The following MC1R variants were observed in gnomAD, a reference collection of about 807,000 sequenced individuals.
MC1R encodes melanocyte-stimulating hormone receptor.
For synonymous variants in MC1R, 263 were observed against 203.8 expected (o/e 1.29, Z -2.47); for missense variants, 542 against 430.0 (o/e 1.26, Z -2.30).
rs1805005 is a variant in MC1R, at chr16:89,919,436, G to T, written c.178G>T (p.Val60Leu). The T allele has an allele frequency of 0.11, 171,627 of 1,613,224 alleles. 11,236 individuals are homozygous for T. Among genetic ancestry groups the T allele is most frequent in the Non-Finnish European group, 0.12 (144,277 of 1,179,870 alleles). Reference sequence around the variant, plus strand: ...GAGCTTGGTGGAGAACGCGCTGGTGGTGGCCACCATCGCCAAGAACCGGAA... The same window carrying T: ...GAGCTTGGTGGAGAACGCGCTGGTGTTGGCCACCATCGCCAAGAACCGGAA... ...LVSLVENALV[V>L]ATIAKNRNLH... The change falls in exon 1 of 1, where the codon GTG becomes TTG. Residue 60 changes from valine (V) to leucine (L), a missense_variant. Coordinates refer to ENST00000555147, the MANE Select transcript of MC1R (RefSeq NM_002386.4).
rs1168155352 is a variant in MC1R, at chr16:89,920,719, G to C, written c.*507G>C. On this transcript the variant is annotated 3_prime_UTR_variant, in exon 1 of 1. Coordinates refer to ENST00000555147, the MANE Select transcript of MC1R (RefSeq NM_002386.4). ...AGAAAGCTTCATCCACAGCCTTGCA[G>C]CGGCTCCTGCAAAAGGAGGTGAAAT... 1 of 716,620 alleles carries C rather than the reference G, an allele frequency of 1.4e-6. No individual in the cohort carries two copies. Among genetic ancestry groups the C allele is most frequent in the Non-Finnish European group, 2.6e-6 (1 of 384,788 alleles). The allele number at this position is 716,620 out of a possible 1,614,324, so 44.4% of individuals were successfully genotyped here.
chr16:89,919,235 C>T lies in MC1R; in HGVS notation c.-24C>T, dbSNP rs190819948. On this transcript the variant is annotated 5_prime_UTR_variant, in exon 1 of 1. Transcript: ENST00000555147. ...GGGGACCTGGAGGCCTCCAACGACT[C>T]CTTCCTGCTTCCTGGACAGGACTAT... is the stretch of plus-strand genomic sequence containing the variant. 88 of 1,492,078 alleles carry T rather than the reference C, an allele frequency of 5.9e-5. No homozygotes were observed. In the African/African-American group the frequency reaches 7.6e-4, roughly 13 times the overall value. The allele number at this position is 1,492,078 out of a possible 1,614,324, so 92.4% of individuals were successfully genotyped here. A position where few individuals can be genotyped will look rare whatever the true frequency, so the allele number is the denominator to read the frequency against.
rs1286859854 is a variant in MC1R, at chr16:89,919,087, C to G, written c.-172C>G. 2 of 598,392 alleles carry G rather than the reference C, an allele frequency of 3.3e-6. No homozygotes were observed. The highest frequency in any genetic ancestry group is 5.9e-6 in the Non-Finnish European group (2 of 337,732). 37.1% of individuals were successfully genotyped at this position (598,392 alleles called of 1,614,324 possible). ...GCCATGCCTGGGCTGACCTGTCCAG[C>G]CAGGGAGAGGGTGTGAGGGCAGATC... On this transcript the variant is annotated 5_prime_UTR_variant, in exon 1 of 1. Transcript: ENST00000555147.
rs201171524 is a variant in MC1R, at chr16:89,920,090, A to G, written c.832A>G (p.Lys278Glu). ...GCACCCCACGTGCGGCTGCATCTTC[A>G]AGAACTTCAACCTCTTTCTCGCCCT... ...PEHPTCGCIF[K>E]NFNLFLALII... The change falls in exon 1 of 1, where the codon AAG becomes GAG. Residue 278 changes from lysine to glutamate, a missense_variant. By Grantham distance (56) the Lys-to-Glu change is moderately conservative. Coordinates refer to ENST00000555147, the MANE Select transcript of MC1R (RefSeq NM_002386.4). 490 of 1,613,762 alleles carry G rather than the reference A, an allele frequency of 3.0e-4. 1 individual carries two copies. Among genetic ancestry groups the G allele is most frequent in the Middle Eastern group, 2.3e-3 (14 of 6,084 alleles).
In MC1R at chr16:89,920,238, G is replaced by A; in HGVS notation, c.*26G>A. On this transcript the variant is annotated 3_prime_UTR_variant, in exon 1 of 1. Coordinates refer to ENST00000555147, the MANE Select transcript of MC1R (RefSeq NM_002386.4). ...GCGCGGTGCACGCGGCTTTAAGTGTGCTGGGCAGAGGGAGGTGGTGATATT... is the reference window on the plus strand; with the variant it reads ...GCGCGGTGCACGCGGCTTTAAGTGTACTGGGCAGAGGGAGGTGGTGATATT... The A allele has an allele frequency of 1.3e-6, 2 of 1,577,286 alleles. No homozygotes were observed. Among genetic ancestry groups the A allele is most frequent in the African/African-American group, 2.7e-5 (2 of 74,036 alleles).
Position 89,919,287 on chromosome 16 carries a change from T to C in MC1R, c.29T>C (p.Leu10Pro). 6.3e-7 allele frequency: 1 copy of C among 1,599,620 alleles called. No homozygotes were observed. The highest frequency in any genetic ancestry group is 8.5e-7 in the Non-Finnish European group (1 of 1,173,214). The change falls in exon 1 of 1, where the codon CTT becomes CCT. Residue 10 changes from leucine to proline, a missense_variant. Physicochemically the swap from Leu to Pro is moderately conservative, Grantham distance 98. Transcript: ENST00000555147. The part of the protein sequence containing the change: MAVQGSQRR[L>P]LGSLNSTPTA... ...GCTGTGCAGGGATCCCAGAGAAGAC[T>C]TCTGGGCTCCCTCAACTCCACCCCC...
chr16:89,920,422 A>G lies in MC1R; in HGVS notation c.*210A>G, dbSNP rs1164991514. The G allele has an allele frequency of 2.1e-5, 13 of 621,918 alleles. No individual in the cohort carries two copies. In the Admixed American group the frequency reaches 3.5e-4, roughly 17 times the overall value. The allele number at this position is 621,918 out of a possible 1,614,324, so 38.5% of individuals were successfully genotyped here. ...AAAACTCCAGGCAGGACTTCTCACC[A>G]GCAGTCGTGGGGAACGGAGGAGGAC... On this transcript the variant is annotated 3_prime_UTR_variant, in exon 1 of 1. Coordinates refer to ENST00000555147, the MANE Select transcript of MC1R (RefSeq NM_002386.4).
Position 89,919,960 on chromosome 16 carries a change from C to T in MC1R, c.702C>T (p.Gly234=). 1 of 1,612,556 alleles carries T rather than the reference C, an allele frequency of 6.2e-7. No homozygotes were observed. The stretch of plus-strand genomic sequence containing the variant: ...AGAGGCAGCGCCCGGTCCACCAGGG[C>T]TTTGGCCTTAAAGGCGCTGTCACCC... The part of the protein sequence containing the change: ...LHKRQRPVHQ[G]FGLKGAVTLT... Residue 234 remains glycine, a synonymous_variant, in exon 1 of 1, where the codon GGC becomes GGT. Coordinates refer to ENST00000555147, the MANE Select transcript of MC1R (RefSeq NM_002386.4).
Position 89,918,928 on chromosome 16 carries a change from G to C in MC1R, c.-331G>C. On this transcript the variant is annotated 5_prime_UTR_variant, in exon 1 of 1. Coordinates refer to ENST00000555147, the MANE Select transcript of MC1R (RefSeq NM_002386.4). ...AGGAGACAGAGGCCAGGACGGTCCA[G>C]AGGTGTCGAAATGTCCTGGGGACCT... The C allele has an allele frequency of 2.5e-6, 1 of 407,386 alleles. No homozygotes were observed. 25.2% of individuals were successfully genotyped at this position (407,386 alleles called of 1,614,324 possible). A position where few individuals can be genotyped will look rare whatever the true frequency, so the allele number is the denominator to read the frequency against.
chr16:89,920,308 C>G lies in MC1R; in HGVS notation c.*96C>G. On this transcript the variant is annotated 3_prime_UTR_variant, in exon 1 of 1. Transcript: ENST00000555147. ...TGACCCTGGGCAGTTCCTTACCTCC[C>G]TGGTCCCCGTTTGTCAAAGAGGATG... 3.9e-6 allele frequency: 4 copies of G among 1,016,580 alleles called. No homozygotes were observed. The highest frequency in any genetic ancestry group is 5.9e-6 in the Non-Finnish European group (4 of 675,982). 63.0% of individuals were successfully genotyped at this position (1,016,580 alleles called of 1,614,324 possible). A position where few individuals can be genotyped will look rare whatever the true frequency, so the allele number is the denominator to read the frequency against.
In MC1R at chr16:89,919,148, G is replaced by A. The variant is rs979355433; in HGVS notation, c.-111G>A. On this transcript the variant is annotated 5_prime_UTR_variant, in exon 1 of 1. Transcript: ENST00000555147. Reference sequence around the variant, plus strand: ...CAGATGGAAGGAGGCAGGCATGGGGGACACCCAAGGCCCCCTGGCAGCACC... The same window carrying A: ...CAGATGGAAGGAGGCAGGCATGGGGAACACCCAAGGCCCCCTGGCAGCACC... 6.5e-5 allele frequency: 48 copies of A among 738,586 alleles called. No homozygotes were observed. The highest frequency in any genetic ancestry group is 7.4e-4 in the Middle Eastern group (2 of 2,698). 45.8% of individuals were successfully genotyped at this position (738,586 alleles called of 1,614,324 possible).
chr16:89,920,841 C>A lies in MC1R; in HGVS notation c.*629C>A, dbSNP rs543797088. 1 of 602,552 alleles carries A rather than the reference C, an allele frequency of 1.7e-6. No homozygotes were observed. Among genetic ancestry groups the A allele is most frequent in the African/African-American group, 1.9e-5 (1 of 53,370 alleles). The allele number at this position is 602,552 out of a possible 1,614,324, so 37.3% of individuals were successfully genotyped here. A position where few individuals can be genotyped will look rare whatever the true frequency, so the allele number is the denominator to read the frequency against. ...CCGGTTCTAAGGCTCAGACTGGGCA[C>A]TGGGGCCTCAGCCTGCTTTCCTGCA... On this transcript the variant is annotated 3_prime_UTR_variant, in exon 1 of 1. Coordinates refer to ENST00000555147, the MANE Select transcript of MC1R (RefSeq NM_002386.4).
chr16:89,919,569 G>C lies in MC1R; in HGVS notation c.311G>C (p.Gly104Ala), dbSNP rs1210572877. 2 of 1,611,602 alleles carry C rather than the reference G, an allele frequency of 1.2e-6. No individual in the cohort carries two copies. Among genetic ancestry groups the C allele is most frequent in the Middle Eastern group, 1.6e-4 (1 of 6,062 alleles). Residue 104 changes from glycine (G) to alanine (A), a missense_variant, in exon 1 of 1, where the codon GGT (glycine) becomes GCT (alanine). Gly to Ala is a moderately conservative substitution (Grantham distance 60). Transcript: ENST00000555147. The stretch of plus-strand genomic sequence containing the variant: ...GCCGTCATCCTCCTGCTGGAGGCCG[G>C]TGCACTGGTGGCCCGGGCTGCGGTG... ...ETAVILLLEA[G>A]ALVARAAVLQ...
chr16:89,919,332 G>C lies in MC1R; in HGVS notation c.74G>C (p.Gly25Ala), dbSNP rs540424761. Residue 25 changes from glycine (G) to alanine (A), a missense_variant, in exon 1 of 1, where the codon GGG (glycine) becomes GCG (alanine). Transcript: ENST00000555147. ...ACCCCCACAGCCATCCCCCAGCTGG[G>C]GCTGGCTGCCAACCAGACAGGAGCC... ...NSTPTAIPQL[G>A]LAANQTGARC... 6.2e-7 allele frequency: 1 copy of C among 1,612,578 alleles called. No homozygotes were observed. Among genetic ancestry groups the C allele is most frequent in the Non-Finnish European group, 8.5e-7 (1 of 1,179,610 alleles).
chr16:89,920,134 C>T lies in MC1R; in HGVS notation c.876C>T (p.Ile292=). Residue 292 remains isoleucine (I), a synonymous_variant, in exon 1 of 1, where the codon ATC becomes ATT. Coordinates refer to ENST00000555147, the MANE Select transcript of MC1R (RefSeq NM_002386.4). ...LFLALIICNA[I]IDPLIYAFHS... ...TCGCCCTCATCATCTGCAATGCCATCATCGACCCCCTCATCTACGCCTTCC... is the reference window on the plus strand; with the variant it reads ...TCGCCCTCATCATCTGCAATGCCATTATCGACCCCCTCATCTACGCCTTCC... The T allele has an allele frequency of 6.2e-7, 1 of 1,613,900 alleles. No individual in the cohort carries two copies. Among genetic ancestry groups the T allele is most frequent in the Non-Finnish European group, 8.5e-7 (1 of 1,179,874 alleles).
At position 89,918,981 on chromosome 16, in the gene MC1R, G is replaced by A. The variant is rs1223343028; in HGVS notation, c.-278G>A. ...GCAGCAGCCACCAGGGAAGAGGCAG[G>A]GAGGGAGCTGAGGACCAGGCTTGGT... is the stretch of plus-strand genomic sequence containing the variant. On this transcript the variant is annotated 5_prime_UTR_variant, in exon 1 of 1. Transcript: ENST00000555147. 1 of 501,070 alleles carries A rather than the reference G, an allele frequency of 2.0e-6. No homozygotes were observed. Among genetic ancestry groups the A allele is most frequent in the Non-Finnish European group, 3.6e-6 (1 of 278,996 alleles). 31.0% of individuals were successfully genotyped at this position (501,070 alleles called of 1,614,324 possible).
chr16:89,919,827 T>C lies in MC1R; in HGVS notation c.569T>C (p.Leu190Pro), dbSNP rs1007070256. ...IAYYDHVAVL[L>P]CLVVFFLAML... ...TACTACGACCACGTGGCCGTCCTGC[T>C]GTGCCTCGTGGTCTTCTTCCTGGCT... Residue 190 changes from leucine (L) to proline (P), a missense_variant, in exon 1 of 1, where the codon CTG becomes CCG. Leu to Pro is a moderately conservative substitution (Grantham distance 98). Coordinates refer to ENST00000555147, the MANE Select transcript of MC1R (RefSeq NM_002386.4). 2.5e-6 allele frequency: 4 copies of C among 1,606,842 alleles called. No individual in the cohort carries two copies. In the African/African-American group the frequency reaches 4.0e-5, roughly 16 times the overall value.
rs2045686436 is a variant in MC1R, at chr16:89,919,138, A to G, written c.-121A>G. ...TGGGGGTGCCCAGATGGAAGGAGGC[A>G]GGCATGGGGGACACCCAAGGCCCCC... On this transcript the variant is annotated 5_prime_UTR_variant, in exon 1 of 1. Transcript: ENST00000555147. 1 of 685,790 alleles carries G rather than the reference A, an allele frequency of 1.5e-6. No homozygotes were observed. The highest frequency in any genetic ancestry group is 2.5e-6 in the Non-Finnish European group (1 of 407,300). The allele number at this position is 685,790 out of a possible 1,614,324, so 42.5% of individuals were successfully genotyped here.
At position 89,919,136 on chromosome 16, in the gene MC1R, G is replaced by T; in HGVS notation, c.-123G>T. 1 of 681,238 alleles carries T rather than the reference G, an allele frequency of 1.5e-6. No homozygotes were observed. The highest frequency in any genetic ancestry group is 2.5e-6 in the Non-Finnish European group (1 of 403,682). The allele number at this position is 681,238 out of a possible 1,614,324, so 42.2% of individuals were successfully genotyped here. On this transcript the variant is annotated 5_prime_UTR_variant, in exon 1 of 1. Transcript: ENST00000555147. ...TCTGGGGGTGCCCAGATGGAAGGAG[G>T]CAGGCATGGGGGACACCCAAGGCCC...
Sources: allele counts gnomAD v4.1 joint callset, GRCh38; gene constraint gnomAD v4.1.1; transcripts MANE v1.5; gene names NCBI Gene and HGNC (gene_info 2026-07-23, HGNC 2026-07-21).